The following FYB1 variants were observed in gnomAD, a reference collection of about 807,000 sequenced individuals.
FYB1 encodes the protein FYN-binding protein 1.
FYB1 carries 41 observed loss-of-function variants against 94.1 expected under a neutral mutation model. The observed-to-expected ratio is 0.44, with a 90% CI of 0.34 to 0.57. FYB1 has a LOEUF of 0.57. Among genes scored for constraint, FYB1 ranks in the 20% least tolerant of loss-of-function variants. The pLI is 0.02. For synonymous variants in FYB1, 367 were observed against 353.2 expected, an observed-to-expected ratio of 1.04 and a Z score of -0.44; for missense variants, 1,050 against 976.8, an observed-to-expected ratio of 1.07 and a Z score of -1.00.
chr5:39,171,449 T>C (rs1745243361), intron 2 of FYB1, among the ~76,000 whole-genome samples: 1 of 152,168 alleles, frequency 6.6e-6, no homozygotes, highest in Non-Finnish European at 1.5e-5. Flanking sequence ...ACCTACTGAA[T>C]TAGAAACTCT....
In FYB1 at chr5:39,139,235, C is replaced by A; in HGVS notation, c.1357G>T (p.Glu453Ter). Residue 453 changes from glutamate (E) to a stop codon, truncating the protein, a stop_gained and splice_region_variant, in exon 5 of 19, where the codon GAG becomes TAG. Coordinates refer to ENST00000512982, the MANE Select transcript of FYB1 (RefSeq NM_001465.6). LOFTEE classifies it high-confidence loss of function. Reference protein sequence around the residue: ...THSDGAGNLDEEQDSEGETYE... With the variant: ...THSDGAGNLD The stretch of plus-strand genomic sequence containing the variant: ...ATGAGAAGAGAAAAAAATCTGACCT[C>A]ATCTAGATTTCCAGCACCTAAAAGA... 6.8e-7 allele frequency: 1 copy of A among 1,462,498 alleles called. No homozygotes were observed. Among genetic ancestry groups the A allele is most frequent in the Non-Finnish European group, 9.2e-7 (1 of 1,082,256 alleles). The allele number at this position is 1,462,498 out of a possible 1,614,324, so 90.6% of individuals were successfully genotyped here.
intron 2 of FYB1, among the ~76,000 whole-genome samples, chr5:39,175,291 TG>T (rs951277519): frequency 1.3e-5 from 2 of 152,144 alleles, no homozygotes; most frequent in Non-Finnish European, 2.9e-5. Flanking sequence ...CAACAGCAAC[TG>T]GGTTAGACAT....
intron 2 of FYB1, among the ~76,000 whole-genome samples, chr5:39,156,635 T>G (rs1428077378): frequency 1.3e-5 from 2 of 152,210 alleles, no homozygotes; most frequent in Non-Finnish European, 2.9e-5. Context: ...ACACTTTGCT[T>G]TGCAAAACGG....
intron 9 of FYB1, among the ~76,000 whole-genome samples, chr5:39,131,674 C>G (rs1166089780): frequency 6.6e-6 from 1 of 152,154 alleles, no homozygotes; most frequent in East Asian, 1.9e-4. Context: ...TGCTTATGTA[C>G]CATTTTGACA....
At chr5:39,117,863 T>C (rs1425632567) in intron 16 of FYB1, among the ~76,000 whole-genome samples, 1 of 152,142 alleles carries the variant, frequency 6.6e-6, no homozygotes, top group Non-Finnish European at 1.5e-5. Flanking sequence ...CAAAAATATT[T>C]CCATCTGTCA....
chr5:39,230,374 G>A, intron 1 of FYB1, among the ~76,000 whole-genome samples: 1 of 152,110 alleles, frequency 6.6e-6, no homozygotes, highest in East Asian at 1.9e-4. Flanking sequence ...GCTGGAAGAG[G>A]CAAAGAAATG....
intron 2 of FYB1, chr5:39,169,216 C>G: frequency 9.5e-7 from 1 of 1,051,912 alleles, no homozygotes; most frequent in South Asian, 1.2e-5. Flanking sequence ...GTTCATTTGC[C>G]ATATGGTTGG....
intron 2 of FYB1, among the ~76,000 whole-genome samples, chr5:39,194,922 G>A (rs1300220843): frequency 6.6e-6 from 1 of 152,152 alleles, no homozygotes; most frequent in African/African-American, 2.4e-5. Context: ...GGAATAAATT[G>A]GGCTCGGGCT....
chr5:39,112,168 C>T (rs913681435), intron 16 of FYB1, among the ~76,000 whole-genome samples: 4 of 151,912 alleles, frequency 2.6e-5, no homozygotes, highest in Admixed American at 2.0e-4. Flanking sequence ...ACTGAAATAA[C>T]TCTTTATCTG....
At chr5:39,127,648 C>G in intron 11 of FYB1, 93 bp downstream of exon 11, 2 of 1,367,184 alleles carry the variant, frequency 1.5e-6, no homozygotes, top group East Asian at 2.8e-5. Flanking sequence ...AGAAAGAACA[C>G]TATTTTCCGC....
At chr5:39,214,990 G>A (rs1227523687) in intron 1 of FYB1, among the ~76,000 whole-genome samples, 1 of 152,158 alleles carries the variant, frequency 6.6e-6, no homozygotes, top group Non-Finnish European at 1.5e-5. Flanking sequence ...AATTCATAAA[G>A]GCAGAAAGTA....
chr5:39,193,212 C>A (rs1393376262), intron 2 of FYB1, among the ~76,000 whole-genome samples: 1 of 152,066 alleles, frequency 6.6e-6, no homozygotes, highest in Non-Finnish European at 1.5e-5. Flanking sequence ...GGGGTGGGCA[C>A]TCAATGCATG....
At chr5:39,130,485 C>A in intron 10 of FYB1, 105 bp downstream of exon 10, 2 of 880,696 alleles carry the variant, frequency 2.3e-6, no homozygotes, top group Non-Finnish European at 3.7e-6. Context: ...CTGACTTGAA[C>A]AATACACATT....
At chr5:39,220,191 T>C (rs746111382), upstream of FYB1, among the ~76,000 whole-genome samples, 3 of 151,948 alleles carry the variant, frequency 2.0e-5, no homozygotes, top group Non-Finnish European at 4.4e-5. Flanking sequence ...GGAGGATTGC[T>C]TGAGACCAGG....
At chr5:39,245,171 G>A (rs1392614189) in intron 1 of FYB1, among the ~76,000 whole-genome samples, 1 of 152,126 alleles carries the variant, frequency 6.6e-6, no homozygotes, top group East Asian at 1.9e-4. Context: ...GTGTAGGAGG[G>A]AGTGGTATAA....
chr5:39,242,868 A>G lies in FYB1; in HGVS notation c.-28+31535T>C, dbSNP rs181720651. 5.6e-3 allele frequency among the ~76,000 whole-genome samples: 854 copies of G among 152,098 alleles called. 2 individuals are homozygous for G. Among genetic ancestry groups the G allele is most frequent in the Non-Finnish European group, 0.01 (686 of 68,012 alleles). ...GAGATGGTATCTCATTGTGGTTTTG[A>G]TTTGCATTTCTCTGATGGCCAGTGA... On this transcript the variant is annotated intron_variant, in intron 1 of 1. Transcript: ENST00000510188.
chr5:39,189,302 C>G (rs982421544), intron 2 of FYB1, among the ~76,000 whole-genome samples: 2 of 150,360 alleles, frequency 1.3e-5, no homozygotes, highest in African/African-American at 4.9e-5. Flanking sequence ...GATGAAACAG[C>G]CTGACTGTCA....
intron 2 of FYB1, among the ~76,000 whole-genome samples, chr5:39,185,595 T>TACACATATATATATACAC (rs1166788820): frequency 3.4e-5 from 5 of 145,270 alleles, no homozygotes; most frequent in African/African-American, 1.3e-4. Context: ...TACATATATA[T>TACACATATATATATACAC]ACATATATAT....
intron 2 of FYB1, among the ~76,000 whole-genome samples, chr5:39,177,517 C>A (rs1032801046): frequency 6.6e-6 from 1 of 152,198 alleles, no homozygotes; most frequent in Non-Finnish European, 1.5e-5. Context: ...TTAAACCTAA[C>A]CACATTGCTC....
Sources: gnomAD v4.1 joint callset for allele counts (sites outside exome capture counted in the v4.1 genomes callset) on GRCh38, gnomAD v4.1.1 for gene constraint, MANE v1.5 for transcripts, NCBI Gene and HGNC (gene_info 2026-07-23, HGNC 2026-07-21) for gene names.